Variants in GABPB1 observed in about 807,000 individuals in gnomAD.
The protein encoded by GABPB1 is GA-binding protein subunit beta-1.
A neutral mutation model predicts 45.9 loss-of-function variants in GABPB1; 15 were observed. The observed-to-expected ratio is 0.33, with a 90% confidence interval of 0.22 to 0.50. The LOEUF (loss-of-function observed/expected upper bound fraction) is 0.50. Among genes scored for constraint, GABPB1 ranks in the 20% least tolerant of loss-of-function variants. The pLI, the probability that GABPB1 is intolerant of heterozygous loss-of-function variation, is 0.98. For missense variants in GABPB1, 252 were observed against 457.5 expected (o/e 0.55, Z 4.10); for synonymous variants, 143 against 154.4 (o/e 0.93, Z 0.55).
At chr15:50,299,493 G>A (rs1955101) in intron 6 of GABPB1, among the ~76,000 whole-genome samples, 12,065 of 152,064 alleles carry the variant, frequency 0.079, 1,401 homozygotes, top group African/African-American at 0.26. Context: ...TCCACCTCCC[G>A]GGTTCAAGCC....
intron 1 of GABPB1, among the ~76,000 whole-genome samples, chr15:50,340,739 T>C (rs2048328596): frequency 7.3e-6 from 1 of 137,160 alleles, no homozygotes; most frequent in African/African-American, 2.6e-5. Context: ...CATGCATCTT[T>C]ATCAAATGTT....
intron 1 of GABPB1, among the ~76,000 whole-genome samples, chr15:50,330,660 T>C (rs528974156): frequency 1.6e-4 from 24 of 152,340 alleles, no homozygotes; most frequent in African/African-American, 5.3e-4. Flanking sequence ...ATCCTTTCTC[T>C]CCAAATGCTA....
chr15:50,314,914 C>A (rs762741624), intron 1 of GABPB1, among the ~76,000 whole-genome samples: 10 of 152,334 alleles, frequency 6.6e-5, no homozygotes, highest in East Asian at 1.9e-4. Flanking sequence ...ACCAATATCA[C>A]GTATCAATCA....
At chr15:50,290,272 C>A (rs992980887) in intron 6 of GABPB1, among the ~76,000 whole-genome samples, 2 of 152,072 alleles carry the variant, frequency 1.3e-5, no homozygotes, top group Non-Finnish European at 2.9e-5. Flanking sequence ...AATATCATGA[C>A]AAAGGTTATA....
chr15:50,346,819 A>C (rs1595851011), intron 1 of GABPB1, among the ~76,000 whole-genome samples: 1 of 135,676 alleles, frequency 7.4e-6, no homozygotes, highest in African/African-American at 2.9e-5. Context: ...ACAGAGTCTC[A>C]CTCTGTCGCC....
chr15:50,313,749 T>A (rs146890789), intron 1 of GABPB1, among the ~76,000 whole-genome samples: 1 of 152,128 alleles, frequency 6.6e-6, no homozygotes, highest in African/African-American at 2.4e-5. Context: ...ATATAAAGTA[T>A]AAAATACTGA....
At chr15:50,337,075 G>GTATATATATATATATATATATA (rs869106382) in intron 1 of GABPB1, among the ~76,000 whole-genome samples, 1 of 14,210 alleles carries the variant, frequency 7.0e-5, no homozygotes, top group Admixed American at 9.5e-4. Context: ...ATATGTGTGT[G>GTATATATATATATATATATATA]TATATATATA....
At chr15:50,314,935 C>A (rs2047263729) in intron 1 of GABPB1, among the ~76,000 whole-genome samples, 1 of 152,240 alleles carries the variant, frequency 6.6e-6, no homozygotes, top group South Asian at 2.1e-4. Context: ...GCTTGTCCAG[C>A]TATCACATTC....
At chr15:50,340,455 T>C (rs1258507718) in intron 1 of GABPB1, among the ~76,000 whole-genome samples, 1 of 151,050 alleles carries the variant, frequency 6.6e-6, no homozygotes, top group Non-Finnish European at 1.5e-5. Context: ...CACTGCTCAC[T>C]GCTCCTCCTT....
chr15:50,340,413 T>C (rs1028612948), intron 1 of GABPB1, among the ~76,000 whole-genome samples: 2 of 152,112 alleles, frequency 1.3e-5, no homozygotes, highest in African/African-American at 4.8e-5. Context: ...CACAGAAATG[T>C]ATACATTGAA....
Position 50,304,139 on chromosome 15 carries a change from C to T in GABPB1, c.109-6G>A. Reference sequence around the variant, plus strand: ...TGAAGTGGAGAAGTTCCCAGCTGTACCACAGAAAAAAAAAAAAATCCACAT... The same window carrying T: ...TGAAGTGGAGAAGTTCCCAGCTGTATCACAGAAAAAAAAAAAAATCCACAT... On this transcript the variant is annotated splice_region_variant and splice_polypyrimidine_tract_variant and intron_variant, in intron 2 of 8. Coordinates refer to ENST00000380877, the MANE Select transcript of GABPB1 (RefSeq NM_016654.5). 6.4e-7 allele frequency: 1 copy of T among 1,557,462 alleles called. No individual in the cohort carries two copies. The highest frequency in any genetic ancestry group is 8.6e-7 in the Non-Finnish European group (1 of 1,158,630).
rs903107395 is a variant in GABPB1, at chr15:50,275,439, G to A, written c.*3193C>T. On this transcript the variant is annotated 3_prime_UTR_variant, in exon 9 of 9. Transcript: ENST00000380877. ...AACAAGTACAGATGCTCTCTGGCTT[G>A]CAATGGGGTTATGTCCTGATAAACC... 1.3e-5 allele frequency: 2 copies of A among 152,166 alleles called. No individual in the cohort carries two copies. Among genetic ancestry groups the A allele is most frequent in the African/African-American group, 4.8e-5 (2 of 41,434 alleles). The allele number at this position is 152,166 out of a possible 1,614,324, so 9.4% of individuals were successfully genotyped here.
chr15:50,292,846 A>ATGTGTGTGTG (rs3985830), intron 6 of GABPB1, among the ~76,000 whole-genome samples: 2,480 of 149,798 alleles, frequency 0.017, 61 homozygotes, highest in African/African-American at 0.05. Flanking sequence ...AAGTGTGTAT[A>ATGTGTGTGTG]TGTGTGTGTG....
intron 1 of GABPB1, among the ~76,000 whole-genome samples, chr15:50,321,641 G>A (rs1284082929): frequency 6.6e-6 from 1 of 151,026 alleles, no homozygotes; most frequent in African/African-American, 2.4e-5. Context: ...GGCAGAGGTT[G>A]CAGCGAGCCG....
chr15:50,313,257 A>G (rs1439200602), intron 1 of GABPB1, among the ~76,000 whole-genome samples: 1 of 152,212 alleles, frequency 6.6e-6, no homozygotes, highest in African/African-American at 2.4e-5. Flanking sequence ...GAAATAATTC[A>G]CAAGGGCAAA....
chr15:50,292,973 T>A (rs1342214867), intron 6 of GABPB1, among the ~76,000 whole-genome samples: 1 of 144,464 alleles, frequency 6.9e-6, no homozygotes, highest in African/African-American at 2.8e-5. Flanking sequence ...TTTCTGTGGG[T>A]TTGAAAACTG....
chr15:50,331,739 G>A (rs2047954555), intron 1 of GABPB1, among the ~76,000 whole-genome samples: 2 of 152,142 alleles, frequency 1.3e-5, no homozygotes, highest in African/African-American at 4.8e-5. Flanking sequence ...CCAGGCAAGA[G>A]CTGCTGGCAC....
rs1296388264 is a variant in GABPB1, at chr15:50,300,376, A to G, written c.697+413T>C. ...GCCGGGTGTAATCTCAATCCTGCCC[A>G]CTTTAGCCTTTTATTGTCTTCCTGG... On this transcript the variant is annotated intron_variant, in intron 6 of 8. Coordinates refer to ENST00000380877, the MANE Select transcript of GABPB1 (RefSeq NM_016654.5). Among the ~76,000 whole-genome samples the G allele has an allele frequency of 2.7e-5, 4 of 145,738 alleles. No homozygotes were observed. The East Asian group carries it at 7.9e-4, about 29-fold the overall frequency.
rs1173302521 is a variant in GABPB1 at position 50,355,078 on chromosome 15, C to A, written c.-94G>T. 1.3e-5 allele frequency: 2 copies of A among 155,776 alleles called. No individual in the cohort carries two copies. The highest frequency in any genetic ancestry group is 1.3e-4 in the Admixed American group (2 of 15,328). The allele number at this position is 155,776 out of a possible 1,614,324, so 9.6% of individuals were successfully genotyped here. ...ACCCGGCCGGGCTGACGCGGCCCCG[C>A]TACACACAAAGCGCTTCAGCTGCAC... On this transcript the variant is annotated 5_prime_UTR_variant, in exon 1 of 9. An upstream open reading frame in the 5' UTR loses its in-frame stop. Coordinates refer to ENST00000380877, the MANE Select transcript of GABPB1 (RefSeq NM_016654.5).
Sources: allele counts gnomAD v4.1 joint callset (sites outside exome capture counted in the v4.1 genomes callset), GRCh38; gene constraint gnomAD v4.1.1; transcripts MANE v1.5; gene names NCBI Gene and HGNC (gene_info 2026-07-23, HGNC 2026-07-21).